The following GNPTAB variants were observed in gnomAD, a reference collection of about 807,000 sequenced individuals.
The protein encoded by GNPTAB is N-acetylglucosamine-1-phosphate transferase subunits alpha and beta.
In GNPTAB, 92 loss-of-function variants were observed where a neutral mutation model predicts 136.6. The ratio of observed to expected loss-of-function variants is 0.67; its 90% confidence interval spans 0.57 to 0.80. GNPTAB has a LOEUF of 0.80. Among genes scored for constraint, GNPTAB ranks in the 30% least tolerant of loss-of-function variants. The pLI is 0.00. For missense variants in GNPTAB, 1,343 were observed against 1,501.8 expected (o/e 0.89, Z 1.75); for synonymous variants, 512 against 535.1 (o/e 0.96, Z 0.60).
At chr12:101,798,574 AAC>A (rs1401979770) in intron 1 of GNPTAB, among the ~76,000 whole-genome samples, 1 of 152,248 alleles carries the variant, frequency 6.6e-6, no homozygotes, top group Non-Finnish European at 1.5e-5. Flanking sequence ...AACTTATACA[AAC>A]ACAGACTGTA....
In GNPTAB at chr12:101,766,896, G is replaced by A. The variant is rs558549231; in HGVS notation, c.1409-602C>T. ...CGTGCTGACAGAAATGGAGGAGCACGAAAACAAGAAGAGATTATTCCAAAG... is the reference window on the plus strand; with the variant it reads ...CGTGCTGACAGAAATGGAGGAGCACAAAAACAAGAAGAGATTATTCCAAAG... On this transcript the variant is annotated intron_variant, in intron 11 of 20. Coordinates refer to ENST00000299314, the MANE Select transcript of GNPTAB (RefSeq NM_024312.5). Among the ~76,000 whole-genome samples, 5 of 152,284 alleles carry A rather than the reference G, an allele frequency of 3.3e-5. No homozygotes were observed. The South Asian group carries it at 6.2e-4, about 19-fold the overall frequency.
intron 2 of GNPTAB, among the ~76,000 whole-genome samples, chr12:101,790,419 G>C (rs1868919732): frequency 6.6e-6 from 1 of 152,122 alleles, no homozygotes. Context: ...AGCAAAGAAG[G>C]GAGCTGGGAT....
chr12:101,821,183 T>C (rs919388061), intron 1 of GNPTAB, among the ~76,000 whole-genome samples: 1 of 152,038 alleles, frequency 6.6e-6, no homozygotes, highest in Non-Finnish European at 1.5e-5. Flanking sequence ...ACAATAGTAA[T>C]GAAGTGGCAG....
In GNPTAB at chr12:101,770,121, A is replaced by C. The variant is rs1400567143; in HGVS notation, c.1184T>G (p.Ile395Ser). The change falls in exon 10 of 21, where the codon ATC (isoleucine) becomes AGC (serine). Residue 395 changes from isoleucine to serine, a missense_variant. By Grantham distance (142) the Ile-to-Ser change is moderately radical. Coordinates refer to ENST00000299314, the MANE Select transcript of GNPTAB (RefSeq NM_024312.5). Reference sequence around the variant, plus strand: ...AATAAACTTCTGGGACAGCCCTTCGATGCGATGAATGTGACTTTCAATAGC... The same window carrying C: ...AATAAACTTCTGGGACAGCCCTTCGCTGCGATGAATGTGACTTTCAATAGC... ...SPAIESHIHR[I>S]EGLSQKFIYL... The C allele has an allele frequency of 6.2e-7, 1 of 1,614,128 alleles. No homozygotes were observed. The highest frequency in any genetic ancestry group is 2.2e-5 in the East Asian group (1 of 44,886).
At chr12:101,801,328 G>A (rs1186336367) in intron 1 of GNPTAB, among the ~76,000 whole-genome samples, 5 of 148,784 alleles carry the variant, frequency 3.4e-5, no homozygotes, top group Non-Finnish European at 7.4e-5. Flanking sequence ...GATCACTTGA[G>A]CCCAGGAGTT....
intron 5 of GNPTAB, among the ~76,000 whole-genome samples, chr12:101,784,865 C>T (rs979551826): frequency 3.3e-5 from 5 of 152,066 alleles, no homozygotes; most frequent in South Asian, 2.1e-4. Context: ...ATAAAAACCA[C>T]GGACCTTCCA....
intron 7 of GNPTAB, among the ~76,000 whole-genome samples, chr12:101,772,410 G>T (rs1164156464): frequency 6.6e-6 from 1 of 152,212 alleles, no homozygotes; most frequent in African/African-American, 2.4e-5. Context: ...CTGAGCGTAT[G>T]TAGTCCAGAA....
At chr12:101,815,698 T>C (rs967235755) in intron 1 of GNPTAB, among the ~76,000 whole-genome samples, 1 of 150,134 alleles carries the variant, frequency 6.7e-6, no homozygotes, top group Non-Finnish European at 1.5e-5. Flanking sequence ...TAAAAATCAA[T>C]ATTCAGTGCT....
rs1468012406 is a variant in GNPTAB at position 101,757,641 on chromosome 12, C to T, written c.3266G>A (p.Ser1089Asn). Residue 1089 changes from serine (S) to asparagine (N), a missense_variant, in exon 17 of 21, where the codon AGT (serine) becomes AAT (asparagine). Physicochemically the swap from Ser to Asn is conservative, Grantham distance 46 (BLOSUM62 1). Transcript: ENST00000299314. ...TACTGGTTTACAGTTTGTTACTAGA[C>T]TTTTAGTGACCGGTGGCTATGAGAA... ...YDPNLPPVTK[S>N]LVTNCKPVTD... 2 of 1,566,872 alleles carry T rather than the reference C, an allele frequency of 1.3e-6. No individual in the cohort carries two copies. The highest frequency in any genetic ancestry group is 1.1e-5 in the South Asian group (1 of 90,186).
intron 1 of GNPTAB, among the ~76,000 whole-genome samples, chr12:101,807,810 G>A (rs1870010202): frequency 6.6e-6 from 1 of 152,056 alleles, no homozygotes; most frequent in Non-Finnish European, 1.5e-5. Context: ...CACACTTGTA[G>A]TCCCAGCTAC....
chr12:101,799,893 A>C (rs1383748101), intron 1 of GNPTAB, among the ~76,000 whole-genome samples: 1 of 152,112 alleles, frequency 6.6e-6, no homozygotes, highest in Non-Finnish European at 1.5e-5. Context: ...AGGGGCATAA[A>C]GATCTTTAAT....
At chr12:101,799,831 A>G (rs1455099499) in intron 1 of GNPTAB, among the ~76,000 whole-genome samples, 1 of 148,392 alleles carries the variant, frequency 6.7e-6, no homozygotes, top group African/African-American at 2.5e-5. Context: ...GCCGCAAAAC[A>G]CAGCATCTCT....
chr12:101,801,145 T>C (rs1198399260), intron 1 of GNPTAB, among the ~76,000 whole-genome samples: 5 of 149,416 alleles, frequency 3.3e-5, no homozygotes, highest in African/African-American at 9.9e-5. Context: ...GTCTGGAGTA[T>C]TGTTTGAGCC....
At chr12:101,785,284 C>T (rs1868565533) in intron 5 of GNPTAB, among the ~76,000 whole-genome samples, 1 of 152,202 alleles carries the variant, frequency 6.6e-6, no homozygotes. Flanking sequence ...TACTGCTCAG[C>T]CTTGAATTCC....
chr12:101,755,895 C>T (rs185169190), intron 18 of GNPTAB, among the ~76,000 whole-genome samples: 1 of 152,310 alleles, frequency 6.6e-6, no homozygotes, highest in Admixed American at 6.5e-5. Flanking sequence ...TATGAATACT[C>T]TAACCCAATA....
At chr12:101,827,568 A>G (rs1871154030) in intron 1 of GNPTAB, among the ~76,000 whole-genome samples, 1 of 151,908 alleles carries the variant, frequency 6.6e-6, no homozygotes, top group Non-Finnish European at 1.5e-5. Flanking sequence ...CCTCAATTCT[A>G]CTTCTCGAAG....
intron 1 of GNPTAB, among the ~76,000 whole-genome samples, chr12:101,825,800 T>C (rs560948633): frequency 1.3e-5 from 2 of 152,320 alleles, no homozygotes; most frequent in East Asian, 1.9e-4. Flanking sequence ...TTTGTAAACA[T>C]TTTTTAAACA....
intron 5 of GNPTAB, among the ~76,000 whole-genome samples, chr12:101,782,082 C>T (rs1312574855): frequency 6.6e-6 from 1 of 152,152 alleles, no homozygotes; most frequent in Non-Finnish European, 1.5e-5. Flanking sequence ...TTGGAAGTTA[C>T]AGAAGGCATG....
intron 1 of GNPTAB, among the ~76,000 whole-genome samples, chr12:101,823,752 T>C (rs1870934640): frequency 6.6e-6 from 1 of 152,210 alleles, no homozygotes; most frequent in East Asian, 1.9e-4. Flanking sequence ...AGGTATATAT[T>C]TGATCATCAC....
Sources: allele counts gnomAD v4.1 joint callset (sites outside exome capture counted in the v4.1 genomes callset), GRCh38; gene constraint gnomAD v4.1.1; transcripts MANE v1.5; gene names NCBI Gene and HGNC (gene_info 2026-07-23, HGNC 2026-07-21).